The following ANKIB1 variants were observed in gnomAD, a reference collection of about 807,000 sequenced individuals.
ANKIB1 encodes the protein ankyrin repeat and IBR domain containing 1.
In ANKIB1, 43 loss-of-function variants were observed where a neutral mutation model predicts 122.1. The observed-to-expected ratio is 0.35, with a 90% CI of 0.28 to 0.45. ANKIB1 has a LOEUF of 0.45. Ranked by LOEUF, ANKIB1 falls within the 20% of genes least tolerant of loss-of-function variation. ANKIB1 has a pLI of 1.00. For missense variants in ANKIB1, 992 were observed against 1,329.5 expected, an observed-to-expected ratio of 0.75 and a Z score of 3.95; for synonymous variants, 390 against 442.0, an observed-to-expected ratio of 0.88 and a Z score of 1.48.
intron 9 of ANKIB1, among the ~76,000 whole-genome samples, chr7:92,358,222 A>G (rs1177320427): frequency 6.6e-6 from 1 of 152,220 alleles, no homozygotes; most frequent in African/African-American, 2.4e-5. Context: ...AGCCTGGGCC[A>G]TAGAGCAAGA....
At chr7:92,266,104 T>G (rs762543342) in intron 1 of ANKIB1, among the ~76,000 whole-genome samples, 20 of 152,092 alleles carry the variant, frequency 1.3e-4, no homozygotes, top group Non-Finnish European at 2.4e-4. Context: ...GAACCAGGTG[T>G]CCAGTGAGGT....
intron 12 of ANKIB1, 133 bp from the exon 13 acceptor site, chr7:92,387,665 G>C: frequency 1.6e-6 from 1 of 639,262 alleles, no homozygotes; most frequent in Non-Finnish European, 2.7e-6. Flanking sequence ...TTGTTTTTCT[G>C]TCAAGAAAAT....
At chr7:92,374,900 G>C (rs541788828) in intron 11 of ANKIB1, among the ~76,000 whole-genome samples, 1 of 151,256 alleles carries the variant, frequency 6.6e-6, no homozygotes, top group South Asian at 2.1e-4. Context: ...GAAGGTGAGG[G>C]AGTTCAAAGA....
intron 4 of ANKIB1, among the ~76,000 whole-genome samples, chr7:92,320,130 A>G (rs1029566903): frequency 6.6e-6 from 1 of 152,154 alleles, no homozygotes; most frequent in African/African-American, 2.4e-5. Context: ...GATCATATCA[A>G]CAAACATGCT....
intron 5 of ANKIB1, among the ~76,000 whole-genome samples, chr7:92,329,007 G>T (rs1803095920): frequency 7.0e-6 from 1 of 143,088 alleles, no homozygotes; most frequent in African/African-American, 2.6e-5. Context: ...TTGCTCTGTT[G>T]CCCAGGCTGG....
intron 1 of ANKIB1, among the ~76,000 whole-genome samples, chr7:92,270,070 A>T (rs963142131): frequency 3.3e-5 from 5 of 151,284 alleles, no homozygotes; most frequent in Middle Eastern, 3.2e-3. Context: ...TTTAAAAAAA[A>T]TTTTTTTTGG....
chr7:92,336,608 A>G (rs766530759), intron 5 of ANKIB1, among the ~76,000 whole-genome samples: 2 of 152,100 alleles, frequency 1.3e-5, no homozygotes, highest in Non-Finnish European at 2.9e-5. Context: ...GTCTATATCC[A>G]GAATCTGTGC....
At chr7:92,360,922 T>TGGCATGATGTCAGCTCACTGCAGC (rs1222011917) in intron 9 of ANKIB1, among the ~76,000 whole-genome samples, 27 of 152,122 alleles carry the variant, frequency 1.8e-4, no homozygotes, top group Non-Finnish European at 3.7e-4. Flanking sequence ...TGGACTGCAG[T>TGGCATGATGTCAGCTCACTGCAGC]GGCATGATGT....
intron 5 of ANKIB1, among the ~76,000 whole-genome samples, chr7:92,338,292 C>T (rs1803334868): frequency 6.6e-6 from 1 of 151,700 alleles, no homozygotes; most frequent in Non-Finnish European, 1.5e-5. Context: ...TGGCATATGC[C>T]TGTAAGTCCC....
chr7:92,284,757 T>C (rs1160574714), intron 1 of ANKIB1, among the ~76,000 whole-genome samples: 2 of 152,230 alleles, frequency 1.3e-5, no homozygotes, highest in African/African-American at 4.8e-5. Context: ...GATTTACTTA[T>C]GGCCCAGCTT....
chr7:92,358,098 T>C (rs1304612816), intron 9 of ANKIB1, among the ~76,000 whole-genome samples: 2 of 152,030 alleles, frequency 1.3e-5, no homozygotes, highest in Non-Finnish European at 2.9e-5. Flanking sequence ...AAAAATTAGC[T>C]GGGCATGGTG....
chr7:92,363,053 T>TAA (rs540406716), intron 10 of ANKIB1, among the ~76,000 whole-genome samples: 1 of 143,960 alleles, frequency 6.9e-6, no homozygotes. Flanking sequence ...TTCTGGTCTT[T>TAA]AAAAAAAAAA....
rs533775748 is a variant in ANKIB1, at chr7:92,285,264, C to T, written c.-90-9625C>T. 6.6e-5 allele frequency among the ~76,000 whole-genome samples: 10 copies of T among 152,268 alleles called. No individual in the cohort carries two copies. In the South Asian group the frequency reaches 1.7e-3, roughly 25 times the overall value. Reference sequence around the variant, plus strand: ...TCCTGACCTCAAGTGATCTACCCACCTTGGCCTCCCAAAGTGCTAGGATTA... The same window carrying T: ...TCCTGACCTCAAGTGATCTACCCACTTTGGCCTCCCAAAGTGCTAGGATTA... On this transcript the variant is annotated intron_variant, in intron 1 of 19. Transcript: ENST00000265742.
chr7:92,275,941 A>G (rs1291801141), intron 1 of ANKIB1, among the ~76,000 whole-genome samples: 1 of 152,200 alleles, frequency 6.6e-6, no homozygotes, highest in African/African-American at 2.4e-5. Context: ...TCAAAATTAT[A>G]ACCCACAATA....
intron 1 of ANKIB1, among the ~76,000 whole-genome samples, chr7:92,286,820 G>C (rs1410670507): frequency 6.6e-6 from 1 of 152,094 alleles, no homozygotes; most frequent in Non-Finnish European, 1.5e-5. Context: ...TTTATTGGGT[G>C]ATTAATAACC....
intron 5 of ANKIB1, among the ~76,000 whole-genome samples, chr7:92,329,225 C>T (rs1250095263): frequency 6.6e-6 from 1 of 152,138 alleles, no homozygotes; most frequent in East Asian, 1.9e-4. Flanking sequence ...CTCGCCCTCC[C>T]AGAGTGCTGG....
intron 1 of ANKIB1, among the ~76,000 whole-genome samples, chr7:92,261,386 TTTTG>T (rs1189488961): frequency 4.0e-5 from 5 of 125,622 alleles, no homozygotes; most frequent in African/African-American, 1.6e-4. Flanking sequence ...TTACTATGTT[TTTTG>T]TTTGTTTTGT....
In ANKIB1 at chr7:92,307,596, T is replaced by C; in HGVS notation, c.426T>C (p.Asp142=). 1 of 1,611,674 alleles carries C rather than the reference T, an allele frequency of 6.2e-7. No individual in the cohort carries two copies. The highest frequency in any genetic ancestry group is 8.5e-7 in the Non-Finnish European group (1 of 1,179,430). Residue 142 remains aspartate (D), a synonymous_variant, in exon 3 of 20, where the codon GAT becomes GAC. Transcript: ENST00000265742. The part of the protein sequence containing the change: ...EYERAAIDAV[D]NKKNTPLHYA... The stretch of plus-strand genomic sequence containing the variant: ...AGAGAGCAGCTATTGATGCTGTTGA[T>C]AACAAAAAAAACACACCCTTGCACT...
intron 12 of ANKIB1, 40 bp downstream of exon 12, chr7:92,386,683 G>A (rs757947783): frequency 1.5e-5 from 22 of 1,469,532 alleles, no homozygotes; most frequent in African/African-American, 7.2e-5. Context: ...TCTCTAAACC[G>A]CTCACTGCCA....
Sources: allele counts gnomAD v4.1 joint callset (sites outside exome capture counted in the v4.1 genomes callset), GRCh38; gene constraint gnomAD v4.1.1; transcripts MANE v1.5; gene names NCBI Gene and HGNC (gene_info 2026-07-23, HGNC 2026-07-21).